RPL28: variants seen among roughly 807,000 people sequenced by gnomAD.
RPL28 encodes the protein ribosomal protein L28.
In RPL28, 4 loss-of-function variants were observed where a neutral mutation model predicts 12.5. The ratio of observed to expected loss-of-function variants is 0.32; its 90% CI spans 0.16 to 0.73. The LOEUF (loss-of-function observed/expected upper bound fraction) is 0.73, where lower values mean the gene tolerates loss of function less well. Among genes scored for constraint, RPL28 ranks in the 30% least tolerant of loss-of-function variants. The probability of loss-of-function intolerance (pLI) is 0.66; values close to 1 mark genes in which losing one functional copy is unlikely to be tolerated. For synonymous variants in RPL28, 91 were observed against 72.5 expected (o/e 1.26, Z -1.30); for missense variants, 214 against 197.7 (o/e 1.08, Z -0.49).
intron 1 of RPL28, 35 bp from the exon 2 acceptor site, chr19:55,386,315 T>C (rs1299300786): frequency 6.2e-7 from 1 of 1,600,636 alleles, no homozygotes; most frequent in Non-Finnish European, 8.5e-7. Context: ...TAGTTCTCTG[T>C]GTCTGACGCT....
downstream of RPL28, among the ~76,000 whole-genome samples, chr19:55,395,220 T>C (rs538182037): frequency 6.6e-6 from 1 of 152,250 alleles, no homozygotes; most frequent in African/African-American, 2.4e-5. Flanking sequence ...CACTACAACC[T>C]CTACCACCTG....
intron 1 of RPL28, 70 bp from the exon 2 acceptor site, chr19:55,386,280 C>T (rs2089923549): frequency 7.7e-6 from 11 of 1,423,704 alleles, no homozygotes; most frequent in Admixed American, 7.4e-5. Flanking sequence ...GCTGTCCGAG[C>T]GTGGCCCGTG....
Position 55,388,797 on chromosome 19 carries a change from T to G in RPL28, c.*465T>G, listed in dbSNP as rs1846732386. ...ATCACGGGAGGAAGATGAGATGACT[T>G]TTGCATCCAGGGAGTGGGTGCAGCC... On this transcript the variant is annotated 3_prime_UTR_variant, in exon 5 of 5. Transcript: ENST00000344063. The G allele has an allele frequency of 1.0e-6, 1 of 978,224 alleles. No individual in the cohort carries two copies. Among genetic ancestry groups the G allele is most frequent in the Non-Finnish European group, 1.2e-6 (1 of 826,502 alleles). The allele number at this position is 978,224 out of a possible 1,614,324, so 60.6% of individuals were successfully genotyped here.
intron 4 of RPL28, among the ~76,000 whole-genome samples, chr19:55,402,292 CCT>C (rs758596300): frequency 6.6e-6 from 1 of 152,238 alleles, no homozygotes; most frequent in African/African-American, 2.4e-5. Flanking sequence ...TAAATCCTGA[CCT>C]CTGTCTTTTA....
Position 55,401,633 on chromosome 19 carries a change from C to T in RPL28, c.325-1310C>T, listed in dbSNP as rs556845857. 64 of 1,605,812 alleles carry T rather than the reference C, an allele frequency of 4.0e-5. No homozygotes were observed. In the African/African-American group the frequency reaches 6.3e-4, roughly 16 times the overall value. The stretch of plus-strand genomic sequence containing the variant: ...TCGGCCCTGCCGCTGGGCCCGCCGG[C>T]GCCCCCGTGGATCTCTGTGAGCAGA... On this transcript the variant is annotated intron_variant, in intron 4 of 4. Transcript: ENST00000560055.
Position 55,386,480 on chromosome 19 carries a change from C to G in RPL28, c.81+42C>G, listed in dbSNP as rs577075914. ...TGCGTGGCTCCTGCGGGAGGAGGGT[C>G]CTGAGTCTCTTGACTCTGGGTCAGA... is the stretch of plus-strand genomic sequence containing the variant. On this transcript the variant is annotated intron_variant, in intron 2 of 4. Transcript: ENST00000344063. The G allele has an allele frequency of 3.7e-5, 60 of 1,609,678 alleles. No homozygotes were observed. In the South Asian group the frequency reaches 5.5e-4, roughly 15 times the overall value.
intron 4 of RPL28, 79 bp from the exon 5 acceptor site, chr19:55,388,164 C>G: frequency 1.3e-6 from 2 of 1,548,168 alleles, no homozygotes; most frequent in Non-Finnish European, 1.7e-6. Flanking sequence ...TTTCAGCCTA[C>G]TCCCCACACC....
chr19:55,394,177 G>A (rs1323444841), downstream of RPL28, among the ~76,000 whole-genome samples: 3 of 152,126 alleles, frequency 2.0e-5, no homozygotes, highest in South Asian at 2.1e-4. Context: ...CAGGAGAATC[G>A]CTTGAATCCA....
At chr19:55,387,104 ATTTGATTCCCAT>A in intron 3 of RPL28, 1 of 1,360,270 alleles carries the variant, frequency 7.4e-7, no homozygotes, top group Non-Finnish European at 9.9e-7. Context: ...GGTTGCAGCC[ATTTGATTCCCAT>A]TTTGCCTGTG....
chr19:55,396,782 G>T (rs187524993), downstream of RPL28, among the ~76,000 whole-genome samples: 2 of 149,308 alleles, frequency 1.3e-5, no homozygotes, highest in East Asian at 2.0e-4. Flanking sequence ...GGGTTTCACC[G>T]TGTTAGCCAG....
intron 3 of RPL28, 181 bp downstream of exon 3, chr19:55,386,874 C>T (rs760415354): frequency 6.5e-7 from 1 of 1,543,496 alleles, no homozygotes; most frequent in Non-Finnish European, 8.7e-7. Context: ...GAGCCGCGCG[C>T]GTCTGAGCCC....
chr19:55,387,794 C>A (rs2089947303), intron 3 of RPL28, 136 bp from the exon 4 acceptor site: 1 of 1,463,450 alleles, frequency 6.8e-7, no homozygotes, highest in Non-Finnish European at 9.0e-7. Flanking sequence ...AAAACAGCTA[C>A]CTGCTGGCCT....
downstream of RPL28, among the ~76,000 whole-genome samples, chr19:55,392,366 G>A (rs2089996932): frequency 6.6e-6 from 1 of 151,834 alleles, no homozygotes; most frequent in Admixed American, 6.6e-5. Flanking sequence ...TGTGTAGCTG[G>A]GACTAAGGTG....
In RPL28 at chr19:55,391,833, C is replaced by T; in HGVS notation, c.*3501C>T. 7.1e-7 allele frequency: 1 copy of T among 1,398,950 alleles called. No homozygotes were observed. Among genetic ancestry groups the T allele is most frequent in the Admixed American group, 2.7e-5 (1 of 36,674 alleles). The allele number at this position is 1,398,950 out of a possible 1,614,324, so 86.7% of individuals were successfully genotyped here. On this transcript the variant is annotated 3_prime_UTR_variant, in exon 5 of 5. Coordinates refer to ENST00000344063, the MANE Select transcript of RPL28 (RefSeq NM_000991.5). Reference sequence around the variant, plus strand: ...CACATGCCTATGACTAATTTGTACACAAACTAATGCTCGTGTTTCCCAAGC... The same window carrying T: ...CACATGCCTATGACTAATTTGTACATAAACTAATGCTCGTGTTTCCCAAGC...
chr19:55,392,400 TAA>T (rs1204345690), downstream of RPL28, among the ~76,000 whole-genome samples: 1 of 152,070 alleles, frequency 6.6e-6, no homozygotes, highest in Non-Finnish European at 1.5e-5. Flanking sequence ...CTGGCTAATT[TAA>T]AAAGATATTT....
rs2089968578 is a variant in RPL28, at chr19:55,389,458, G to A, written c.*1126G>A. 7.3e-5 allele frequency: 72 copies of A among 985,316 alleles called. No individual in the cohort carries two copies. Among genetic ancestry groups the A allele is most frequent in the Non-Finnish European group, 8.3e-5 (69 of 829,968 alleles). 61.0% of individuals were successfully genotyped at this position (985,316 alleles called of 1,614,324 possible). On this transcript the variant is annotated 3_prime_UTR_variant, in exon 5 of 5. Transcript: ENST00000344063. Reference sequence around the variant, plus strand: ...CAGGGACCAAGGATCCAGCATCCATGGCACCCCTGGTTCCTGCCATCCTGG... The same window carrying A: ...CAGGGACCAAGGATCCAGCATCCATAGCACCCCTGGTTCCTGCCATCCTGG...
chr19:55,387,252 T>C, intron 3 of RPL28: 1 of 1,542,380 alleles, frequency 6.5e-7, no homozygotes, highest in Non-Finnish European at 8.8e-7. Context: ...CAGCTTCACA[T>C]GTGTTCTTGA....
In RPL28 at chr19:55,388,855, A is replaced by C. The variant is rs112863024; in HGVS notation, c.*523A>C. 14 of 986,210 alleles carry C rather than the reference A, an allele frequency of 1.4e-5. No individual in the cohort carries two copies. Among genetic ancestry groups the C allele is most frequent in the Non-Finnish European group, 1.7e-5 (14 of 830,552 alleles). 61.1% of individuals were successfully genotyped at this position (986,210 alleles called of 1,614,324 possible). A position where few individuals can be genotyped will look rare whatever the true frequency, so the allele number is the denominator to read the frequency against. ...GAGGGGATGGGCTTTACTTGATGCA[A>C]CCTCATCTCTGAGATGGGCAACTTG... On this transcript the variant is annotated 3_prime_UTR_variant, in exon 5 of 5. Transcript: ENST00000344063.
chr19:55,403,098 C>T, exon 5 of RPL28: 1 of 1,006,020 alleles, frequency 9.9e-7, no homozygotes, highest in South Asian at 1.4e-5. Context: ...TTGGCCTCCA[C>T]CCACTAGATG....
Sources: gnomAD v4.1 joint callset for allele counts (sites outside exome capture counted in the v4.1 genomes callset) on GRCh38, gnomAD v4.1.1 for gene constraint, MANE v1.5 for transcripts, NCBI Gene and HGNC (gene_info 2026-07-23, HGNC 2026-07-21) for gene names.